The following F8 variants were observed in gnomAD, a reference collection of about 807,000 sequenced individuals.
F8 encodes the protein coagulation factor VIII, also known as antihemophilic factor.
F8 carries 12 observed loss-of-function variants against 140.6 expected under a neutral mutation model. That is an observed-to-expected ratio of 0.09 (90% confidence interval 0.05 to 0.14). The LOEUF is 0.14. Ranked by LOEUF, F8 falls within the 10% of genes least tolerant of loss-of-function variation. The probability of loss-of-function intolerance (pLI) is 1.00; values close to 1 mark genes in which losing one functional copy is unlikely to be tolerated. For missense variants in F8, 1,354 were observed against 1,720.7 expected (o/e 0.79, Z 3.77); for synonymous variants, 585 against 614.6 (o/e 0.95, Z 0.71).
chrX:154,899,758 G>T, intron 21 of F8, 108 bp downstream of exon 21: 1 of 743,918 alleles, frequency 1.3e-6, no homozygotes, highest in Non-Finnish European at 2.1e-6. Flanking sequence ...AAGGCATTCT[G>T]TTCTTTAGTT....
At chrX:154,902,199 T>C (rs782721234) in intron 18 of F8, 32 bp from the exon 19 acceptor site, 24 of 1,021,857 alleles carry the variant, frequency 2.3e-5, no homozygotes, top group Middle Eastern at 5.1e-4. Context: ...AGAAATTATT[T>C]CTTTTCACTA....
chrX:154,951,564 T>C (rs1557280747), intron 12 of F8, among the ~76,000 whole-genome samples: 1 of 112,255 alleles, frequency 8.9e-6, no homozygotes, highest in Non-Finnish European at 1.9e-5. Context: ...TTGTTGTGTA[T>C]AGCTTTATTT....
At chrX:155,017,184 A>T (rs1241895202) in intron 1 of F8, among the ~76,000 whole-genome samples, 1 of 112,855 alleles carries the variant, frequency 8.9e-6, no homozygotes, top group Non-Finnish European at 1.9e-5. Context: ...CACTACATGG[A>T]AAGTGAGAGA....
chrX:154,983,411 TCA>T (rs2073540423), intron 6 of F8, among the ~76,000 whole-genome samples: 2 of 111,640 alleles, frequency 1.8e-5, no homozygotes, highest in African/African-American at 3.3e-5. Flanking sequence ...ATGTTCTCAC[TCA>T]CATGTGGGAG....
intron 1 of F8, among the ~76,000 whole-genome samples, chrX:155,013,980 C>T (rs1046280579): frequency 4.5e-5 from 5 of 111,531 alleles, no homozygotes; most frequent in African/African-American, 1.6e-4. Context: ...AAAGCCCTAT[C>T]TCCAAATATA....
intron 25 of F8, among the ~76,000 whole-genome samples, chrX:154,849,719 C>G (rs1173665958): frequency 9.0e-6 from 1 of 110,574 alleles, no homozygotes; most frequent in Non-Finnish European, 1.9e-5. Context: ...TTTTTCCTAC[C>G]TGTTTTATGT....
chrX:154,949,570 G>C (rs781990725), intron 12 of F8, among the ~76,000 whole-genome samples: 1 of 112,198 alleles, frequency 8.9e-6, no homozygotes, highest in Non-Finnish European at 1.9e-5. Flanking sequence ...TTTGGGTGCT[G>C]TACTAGTGGC....
chrX:154,929,752 A>G lies in F8; in HGVS notation c.4038T>C (p.Leu1346=). The G allele has an allele frequency of 8.3e-7, 1 of 1,209,014 alleles. No individual in the cohort carries two copies. ...QFRLPLEETE[L]EKRIIVDDTS... ...TGTCATCCACAATTATCCTTTTTTC[A>G]AGTTCTGTTTCTTCTAGTGGGAGTC... Residue 1346 remains leucine (L), a synonymous_variant, in exon 14 of 26, where the codon CTT becomes CTC. Transcript: ENST00000360256.
intron 22 of F8, among the ~76,000 whole-genome samples, chrX:154,872,927 T>C (rs377202414): frequency 9.0e-6 from 1 of 110,853 alleles, no homozygotes; most frequent in East Asian, 2.8e-4. Flanking sequence ...AATAATCTTA[T>C]TTACAATAGC....
At chrX:155,006,064 T>C (rs1044179234) in intron 1 of F8, among the ~76,000 whole-genome samples, 1 of 112,539 alleles carries the variant, frequency 8.9e-6, no homozygotes, top group Non-Finnish European at 1.9e-5. Context: ...ATAATTTTTA[T>C]TCATGTGCTT....
chrX:154,942,889 G>T, intron 13 of F8, among the ~76,000 whole-genome samples: 1 of 106,939 alleles, frequency 9.4e-6, no homozygotes, highest in Non-Finnish European at 1.9e-5. Context: ...ATGTAATCCA[G>T]CATATAAACA....
chrX:154,950,965 T>C (rs1557280687), intron 12 of F8, among the ~76,000 whole-genome samples: 1 of 112,401 alleles, frequency 8.9e-6, no homozygotes, highest in Non-Finnish European at 1.9e-5. Context: ...TTTGAGCTTC[T>C]TGTACGTGGA....
rs2072473790 is a variant in F8 at position 154,836,220 on chromosome X, T to A, written c.*1377A>T. ...TTTCTCAGATTGGGATCCATTTTTCTTTCATATTAGGATCTCCTGTTTTCC... is the reference window on the plus strand; with the variant it reads ...TTTCTCAGATTGGGATCCATTTTTCATTCATATTAGGATCTCCTGTTTTCC... On this transcript the variant is annotated 3_prime_UTR_variant, in exon 26 of 26. Coordinates refer to ENST00000360256, the MANE Select transcript of F8 (RefSeq NM_000132.4). 1 of 112,048 alleles carries A rather than the reference T, an allele frequency of 8.9e-6. No individual in the cohort carries two copies. The highest frequency in any genetic ancestry group is 9.5e-5 in the Admixed American group (1 of 10,543). 9.2% of individuals were successfully genotyped at this position (112,048 alleles called of 1,213,427 possible). A position where few individuals can be genotyped will look rare whatever the true frequency, so the allele number is the denominator to read the frequency against.
At position 154,858,280 on chromosome X, in the gene F8, G is replaced by T. The variant is rs185171654; in HGVS notation, c.6900+2152C>A. On this transcript the variant is annotated intron_variant, in intron 25 of 25. Transcript: ENST00000360256. ...AGGCTATGCATGGGCTCAGCAACATGGACTTCTATTCAACAAGGCTGACCT... is the reference window on the plus strand; with the variant it reads ...AGGCTATGCATGGGCTCAGCAACATTGACTTCTATTCAACAAGGCTGACCT... 5.3e-5 allele frequency among the ~76,000 whole-genome samples: 6 copies of T among 112,451 alleles called. No homozygotes were observed. The Admixed American group carries it at 5.6e-4, about 11-fold the overall frequency.
chrX:154,876,468 G>A (rs1357522250), intron 22 of F8, among the ~76,000 whole-genome samples: 1 of 111,301 alleles, frequency 9.0e-6, no homozygotes, highest in Non-Finnish European at 1.9e-5. Context: ...TCTTCCCAGG[G>A]AATAGAAAAT....
rs782370802 is a variant in F8 at position 154,966,612 on chromosome X, GCTT to G, written c.1082_1084del (p.Glu361del). ...AGTAAGATCATCATCATAGTCTTCC[GCTT>G]CTTCATTATTTTTCATTCGTAGTTG... On this transcript the variant is annotated inframe_deletion, in exon 8 of 26. Transcript: ENST00000360256. The G allele has an allele frequency of 2.2e-5, 27 of 1,208,703 alleles. No individual in the cohort carries two copies. The highest frequency in any genetic ancestry group is 2.8e-5 in the Non-Finnish European group (25 of 894,431).
intron 25 of F8, among the ~76,000 whole-genome samples, chrX:154,846,918 G>A (rs1208275668): frequency 3.6e-5 from 4 of 112,056 alleles, no homozygotes; most frequent in African/African-American, 1.3e-4. Context: ...GCAGTGGCTG[G>A]TACCGGTTGT....
chrX:154,929,769 G>T lies in F8; in HGVS notation c.4021C>A (p.Leu1341Ile). ...CTTTTTTCAAGTTCTGTTTCTTCTA[G>T]TGGGAGTCTGAATTGTTTCAAAGCT... The part of the protein sequence containing the change: ...KRALKQFRLP[L>I]EETELEKRII... Residue 1341 changes from leucine (L) to isoleucine (I), a missense_variant, in exon 14 of 26, where the codon CTA becomes ATA. Coordinates refer to ENST00000360256, the MANE Select transcript of F8 (RefSeq NM_000132.4). 8.3e-7 allele frequency: 1 copy of T among 1,211,260 alleles called. No homozygotes were observed. Among genetic ancestry groups the T allele is most frequent in the Non-Finnish European group, 1.1e-6 (1 of 895,162 alleles).
chrX:154,858,097 C>A (rs1557272566), intron 25 of F8, among the ~76,000 whole-genome samples: 2 of 112,108 alleles, frequency 1.8e-5, no homozygotes, highest in Non-Finnish European at 3.8e-5. Flanking sequence ...TGAGATTGTG[C>A]CACTGCACTC....
Sources: allele counts gnomAD v4.1 joint callset (sites outside exome capture counted in the v4.1 genomes callset), GRCh38; gene constraint gnomAD v4.1.1; transcripts MANE v1.5; gene names NCBI Gene and HGNC (gene_info 2026-07-23, HGNC 2026-07-21).